Variants in COL4A3 observed in about 807,000 individuals in gnomAD.
COL4A3 encodes collagen alpha-3(IV) chain.
COL4A3 carries 135 observed loss-of-function variants against 217.4 expected under a neutral mutation model. The ratio of observed to expected loss-of-function variants is 0.62; its 90% CI spans 0.54 to 0.72. COL4A3 has a LOEUF of 0.72. Ranked by LOEUF, COL4A3 falls within the 30% of genes least tolerant of loss-of-function variation. The pLI is 0.00. For missense variants in COL4A3, 1,868 were observed against 2,119.9 expected, an observed-to-expected ratio of 0.88 and a Z score of 2.33; for synonymous variants, 690 against 736.3, an observed-to-expected ratio of 0.94 and a Z score of 1.02.
At chr2:227,195,563 T>C (rs757566068) in intron 1 of COL4A3, among the ~76,000 whole-genome samples, 6 of 152,184 alleles carry the variant, frequency 3.9e-5, no homozygotes, top group Non-Finnish European at 8.8e-5. Flanking sequence ...TGCAGTTATG[T>C]ACGATACATA....
chr2:227,188,073 G>A (rs761847561), intron 1 of COL4A3, among the ~76,000 whole-genome samples: 10 of 149,262 alleles, frequency 6.7e-5, no homozygotes, highest in East Asian at 2.2e-4. Flanking sequence ...CAACATCCCC[G>A]AACTACTCCT....
At chr2:227,243,233 T>C (rs1366825225) in intron 3 of COL4A3, among the ~76,000 whole-genome samples, 2 of 152,142 alleles carry the variant, frequency 1.3e-5, no homozygotes, top group South Asian at 4.1e-4. Flanking sequence ...AAAACCTGAG[T>C]ACCATGTTGT....
At chr2:227,193,480 G>A (rs897675605) in intron 1 of COL4A3, among the ~76,000 whole-genome samples, 2 of 152,140 alleles carry the variant, frequency 1.3e-5, no homozygotes, top group African/African-American at 2.4e-5. Context: ...TGGGGAGGCC[G>A]AGGTGGGCGG....
intron 1 of COL4A3, among the ~76,000 whole-genome samples, chr2:227,215,311 T>A (rs1331696901): frequency 6.6e-6 from 1 of 152,176 alleles, no homozygotes; most frequent in Non-Finnish European, 1.5e-5. Flanking sequence ...ATGTATTTAC[T>A]TCCAGAATTT....
At chr2:227,251,085 G>A in intron 9 of COL4A3, 55 bp from the exon 10 acceptor site, 1 of 1,271,672 alleles carries the variant, frequency 7.9e-7, no homozygotes, top group Non-Finnish European at 1.2e-6. Context: ...AATGGACATT[G>A]TTATTAAGTG....
chr2:227,290,958 A>C lies in COL4A3; in HGVS notation c.3210+72A>C. 1.1e-5 allele frequency: 17 copies of C among 1,526,140 alleles called. No individual in the cohort carries two copies. The South Asian group carries it at 2.0e-4, about 18-fold the overall frequency. 94.5% of individuals were successfully genotyped at this position (1,526,140 alleles called of 1,614,324 possible). On this transcript the variant is annotated intron_variant, in intron 37 of 51. Coordinates refer to ENST00000396578, the MANE Select transcript of COL4A3 (RefSeq NM_000091.5). ...CCTTGAAAAATATCAACAAGTACCC[A>C]GATTCGGTGTGGGCAGAGAAAATTG... is the stretch of plus-strand genomic sequence containing the variant.
At chr2:227,230,050 C>CA (rs778888378) in intron 1 of COL4A3, among the ~76,000 whole-genome samples, 17,441 of 68,604 alleles carry the variant, frequency 0.25, 1,346 homozygotes, top group South Asian at 0.4. Flanking sequence ...GACTCCATCT[C>CA]AAAAAAAAAA....
At chr2:227,249,878 G>A (rs865921322) in intron 9 of COL4A3, among the ~76,000 whole-genome samples, 12 of 152,124 alleles carry the variant, frequency 7.9e-5, no homozygotes, top group South Asian at 2.1e-4. Context: ...ATTGATTATC[G>A]TATATGTATT....
At chr2:227,184,108 C>A (rs2065939672) in intron 1 of COL4A3, among the ~76,000 whole-genome samples, 1 of 152,198 alleles carries the variant, frequency 6.6e-6, no homozygotes, top group Non-Finnish European at 1.5e-5. Context: ...GGAATCCAGA[C>A]AATAGTCTGG....
chr2:227,172,935 C>T (rs527715851), intron 1 of COL4A3, among the ~76,000 whole-genome samples: 2 of 152,268 alleles, frequency 1.3e-5, no homozygotes, highest in African/African-American at 2.4e-5. Flanking sequence ...ACCCCACCCT[C>T]GTGACCTCAT....
At chr2:227,168,211 T>G (rs1193095152) in intron 1 of COL4A3, among the ~76,000 whole-genome samples, 1 of 152,234 alleles carries the variant, frequency 6.6e-6, no homozygotes, top group Non-Finnish European at 1.5e-5. Flanking sequence ...CAACTAGAAT[T>G]TGAATTCCTA....
At position 227,313,602 on chromosome 2, in the gene COL4A3, A is replaced by C. The variant is rs1231568016; in HGVS notation, c.*1732A>C. Reference sequence around the variant, plus strand: ...ATCTCAATTGCTTTGTAAGTGAAAAACATGACCCAGAGGACAGCACAGACT... The same window carrying C: ...ATCTCAATTGCTTTGTAAGTGAAAACCATGACCCAGAGGACAGCACAGACT... On this transcript the variant is annotated 3_prime_UTR_variant, in exon 52 of 52. Transcript: ENST00000396578. 6.6e-6 allele frequency: 1 copy of C among 152,620 alleles called. No homozygotes were observed. The highest frequency in any genetic ancestry group is 1.5e-5 in the Non-Finnish European group (1 of 68,032). The allele number at this position is 152,620 out of a possible 1,614,324, so 9.5% of individuals were successfully genotyped here. A position where few individuals can be genotyped will look rare whatever the true frequency, so the allele number is the denominator to read the frequency against.
rs1323214141 is a variant in COL4A3, at chr2:227,284,287, T to C, written c.2823T>C (p.Asn941=). The stretch of plus-strand genomic sequence containing the variant: ...AGGGGGAACAAGGAGATAAAGGAAA[T>C]CCCGGGCCTTCAGAGATATCCCACG... ...GAKGEQGDKG[N]PGPSEISHVI... Residue 941 remains asparagine, a synonymous_variant, in exon 34 of 52, where the codon AAT becomes AAC. Transcript: ENST00000396578. 3.7e-6 allele frequency: 6 copies of C among 1,613,980 alleles called. No individual in the cohort carries two copies. The highest frequency in any genetic ancestry group is 1.3e-5 in the African/African-American group (1 of 75,002).
Position 227,307,698 on chromosome 2 carries a change from T to C in COL4A3, c.4253-12T>C, listed in dbSNP as rs771387115. 1.2e-6 allele frequency: 2 copies of C among 1,612,486 alleles called. No individual in the cohort carries two copies. Among genetic ancestry groups the C allele is most frequent in the Non-Finnish European group, 1.7e-6 (2 of 1,178,498 alleles). ...TGTGTATGTTGCAACATTTAGAATG[T>C]GTTTTTTGAAGGACCAGCTGGATCA... is the stretch of plus-strand genomic sequence containing the variant. On this transcript the variant is annotated splice_polypyrimidine_tract_variant and intron_variant, in intron 47 of 51. Coordinates refer to ENST00000396578, the MANE Select transcript of COL4A3 (RefSeq NM_000091.5).
chr2:227,298,379 G>A (rs946310557), intron 42 of COL4A3, among the ~76,000 whole-genome samples: 1 of 152,120 alleles, frequency 6.6e-6, no homozygotes, highest in East Asian at 1.9e-4. Flanking sequence ...AAAAGACAGT[G>A]ATGCATTCAT....
intron 1 of COL4A3, among the ~76,000 whole-genome samples, chr2:227,165,741 TTA>T (rs2065237679): frequency 6.6e-6 from 1 of 152,172 alleles, no homozygotes; most frequent in African/African-American, 2.4e-5. Flanking sequence ...ACATAAATAT[TTA>T]TATATGTTAC....
At chr2:227,288,371 A>G (rs2106197361) in intron 34 of COL4A3, among the ~76,000 whole-genome samples, 1 of 152,334 alleles carries the variant, frequency 6.6e-6, no homozygotes, top group Admixed American at 6.5e-5. Flanking sequence ...TGCTGGGATT[A>G]CAGGCGTGAG....
rs184887995 is a variant in COL4A3, at chr2:227,314,339, T to C, written c.*2469T>C. On this transcript the variant is annotated 3_prime_UTR_variant, in exon 52 of 52. Transcript: ENST00000396578. ...TAAGACTTTACTTAGCAGTAAATTA[T>C]AGCTCATGTGCATTATTTTCCAGAT... 6.5e-6 allele frequency: 1 copy of C among 152,804 alleles called. No homozygotes were observed. Among genetic ancestry groups the C allele is most frequent in the Admixed American group, 6.5e-5 (1 of 15,306 alleles). The allele number at this position is 152,804 out of a possible 1,614,324, so 9.5% of individuals were successfully genotyped here.
At chr2:227,236,510 C>T (rs1039770986) in intron 1 of COL4A3, among the ~76,000 whole-genome samples, 6 of 152,168 alleles carry the variant, frequency 3.9e-5, no homozygotes, top group Admixed American at 3.9e-4. Context: ...TACTAACCAT[C>T]CAGTATATCT....
Sources: gnomAD v4.1 joint callset for allele counts (sites outside exome capture counted in the v4.1 genomes callset) on GRCh38, gnomAD v4.1.1 for gene constraint, MANE v1.5 for transcripts, NCBI Gene and HGNC (gene_info 2026-07-23, HGNC 2026-07-21) for gene names.